Variants in CDH11 observed in about 807,000 individuals in gnomAD.
CDH11 encodes the protein cadherin-11.
Under a neutral mutation model 67.8 loss-of-function variants are expected in CDH11, and 11 were observed. The ratio of observed to expected loss-of-function variants is 0.16; its 90% CI spans 0.10 to 0.27. The LOEUF is 0.27. Ranked by LOEUF, CDH11 falls within the 10% of genes least tolerant of loss-of-function variation. The probability of loss-of-function intolerance (pLI) is 1.00; values close to 1 mark genes in which losing one functional copy is unlikely to be tolerated. For synonymous variants in CDH11, 419 were observed against 400.0 expected, an observed-to-expected ratio of 1.05 and a Z score of -0.57; for missense variants, 847 against 1,031.2, an observed-to-expected ratio of 0.82 and a Z score of 2.45.
chr16:64,948,108 A>T lies in CDH11; in HGVS notation c.1895-9T>A. ...AAACAATACTACAATGACTGGAGGG[A>T]AAGAAAAAGAAGGTAAGCATTCGTT... is the stretch of plus-strand genomic sequence containing the variant. On this transcript the variant is annotated splice_polypyrimidine_tract_variant and intron_variant, in intron 12 of 12. Transcript: ENST00000268603. The T allele has an allele frequency of 6.2e-7, 1 of 1,605,332 alleles. No individual in the cohort carries two copies. Among genetic ancestry groups the T allele is most frequent in the Non-Finnish European group, 8.5e-7 (1 of 1,175,238 alleles).
At chr16:65,028,200 C>T (rs956071647) in intron 2 of CDH11, among the ~76,000 whole-genome samples, 2 of 152,106 alleles carry the variant, frequency 1.3e-5, no homozygotes, top group Non-Finnish European at 1.5e-5. Flanking sequence ...CATGACTGAC[C>T]GCTGCTCTGC....
At chr16:65,065,268 C>T (rs1033346785) in intron 1 of CDH11, among the ~76,000 whole-genome samples, 1 of 152,174 alleles carries the variant, frequency 6.6e-6, no homozygotes, top group African/African-American at 2.4e-5. Flanking sequence ...GTGACGCATG[C>T]CGTGCATTTT....
chr16:64,997,775 C>T (rs908828369), intron 4 of CDH11, among the ~76,000 whole-genome samples: 11 of 152,186 alleles, frequency 7.2e-5, no homozygotes, highest in African/African-American at 2.7e-4. Context: ...ACCTATCTTT[C>T]TTAAGTAGGT....
intron 1 of CDH11, among the ~76,000 whole-genome samples, chr16:65,106,493 G>A (rs1176047491): frequency 2.0e-5 from 3 of 152,002 alleles, no homozygotes; most frequent in South Asian, 2.1e-4. Context: ...CCTCAAATTC[G>A]GTGTAGATTA....
chr16:64,982,420 C>T, intron 7 of CDH11, 119 bp from the exon 8 acceptor site: 2 of 789,346 alleles, frequency 2.5e-6, no homozygotes, highest in Non-Finnish European at 4.0e-6. Flanking sequence ...TCAGAGTCTA[C>T]TCAATTTCCA....
intron 2 of CDH11, among the ~76,000 whole-genome samples, chr16:65,029,304 C>T (rs779791878): frequency 6.6e-6 from 1 of 151,834 alleles, no homozygotes; most frequent in Non-Finnish European, 1.5e-5. Context: ...GTATCCAAAC[C>T]AAAAGCCAGA....
At chr16:65,036,825 C>T (rs2073764642) in intron 2 of CDH11, among the ~76,000 whole-genome samples, 2 of 152,166 alleles carry the variant, frequency 1.3e-5, no homozygotes, top group African/African-American at 4.8e-5. Context: ...CATTTGGATA[C>T]TTGGGTCCCA....
intron 8 of CDH11, among the ~76,000 whole-genome samples, chr16:64,975,310 G>A (rs2072132746): frequency 1.3e-5 from 2 of 152,182 alleles, no homozygotes; most frequent in South Asian, 4.1e-4. Flanking sequence ...CCTAGAGCCA[G>A]TGAGAAATCA....
chr16:65,046,778 C>T (rs2073968275), intron 2 of CDH11, among the ~76,000 whole-genome samples: 1 of 152,028 alleles, frequency 6.6e-6, no homozygotes, highest in Admixed American at 6.6e-5. Flanking sequence ...TGAATACAAG[C>T]AAAACAAAGG....
chr16:65,107,183 C>T (rs760496761), intron 1 of CDH11, among the ~76,000 whole-genome samples: 5 of 152,086 alleles, frequency 3.3e-5, no homozygotes, highest in Non-Finnish European at 7.4e-5. Flanking sequence ...ATGAAGAACA[C>T]GGGATCTCTT....
At chr16:65,093,000 G>A (rs956954302) in intron 1 of CDH11, among the ~76,000 whole-genome samples, 16 of 147,452 alleles carry the variant, frequency 1.1e-4, no homozygotes, top group African/African-American at 4.0e-4. Flanking sequence ...GCAGTGGCGT[G>A]ATCTTGGCCC....
At chr16:64,952,479 G>A (rs2071387859) in intron 11 of CDH11, among the ~76,000 whole-genome samples, 1 of 152,088 alleles carries the variant, frequency 6.6e-6, no homozygotes, top group African/African-American at 2.4e-5. Context: ...TCCAGATGTT[G>A]GCTTTTCTGT....
intron 3 of CDH11, among the ~76,000 whole-genome samples, chr16:65,004,260 C>A (rs755112021): frequency 3.9e-5 from 6 of 152,070 alleles, no homozygotes; most frequent in Non-Finnish European, 7.4e-5. Flanking sequence ...GTAGTCCCAG[C>A]TACTCAGGAG....
At chr16:65,009,979 G>T (rs2073142240) in intron 2 of CDH11, among the ~76,000 whole-genome samples, 1 of 152,108 alleles carries the variant, frequency 6.6e-6, no homozygotes, top group African/African-American at 2.4e-5. Flanking sequence ...GACATATACG[G>T]GTGTTTAAGT....
At chr16:65,051,016 C>T (rs1312647480) in intron 2 of CDH11, among the ~76,000 whole-genome samples, 1 of 152,152 alleles carries the variant, frequency 6.6e-6, no homozygotes, top group Non-Finnish European at 1.5e-5. Context: ...CATTCACAGA[C>T]ATATCCACAG....
intron 1 of CDH11, among the ~76,000 whole-genome samples, chr16:65,100,679 A>C (rs1205058918): frequency 6.0e-5 from 9 of 150,428 alleles, no homozygotes; most frequent in Non-Finnish European, 1.5e-5. Flanking sequence ...TGGAGGTTAC[A>C]GTGAGCTGAG....
At chr16:65,038,103 T>C (rs2073790105) in intron 2 of CDH11, among the ~76,000 whole-genome samples, 1 of 152,116 alleles carries the variant, frequency 6.6e-6, no homozygotes, top group African/African-American at 2.4e-5. Context: ...AGACTTCCAT[T>C]TCCTAAGTCC....
intron 1 of CDH11, among the ~76,000 whole-genome samples, chr16:65,115,040 T>C (rs907489358): frequency 2.6e-5 from 4 of 152,226 alleles, no homozygotes; most frequent in African/African-American, 9.6e-5. Flanking sequence ...TAATTATCTT[T>C]TGAGCTAGTC....
At chr16:64,973,978 C>A (rs1490034259) in intron 8 of CDH11, among the ~76,000 whole-genome samples, 1 of 152,118 alleles carries the variant, frequency 6.6e-6, no homozygotes, top group Non-Finnish European at 1.5e-5. Flanking sequence ...TGACTCCAGG[C>A]TGTGCAAAAC....
Sources: allele counts gnomAD v4.1 joint callset (sites outside exome capture counted in the v4.1 genomes callset), GRCh38; gene constraint gnomAD v4.1.1; transcripts MANE v1.5; gene names NCBI Gene and HGNC (gene_info 2026-07-23, HGNC 2026-07-21).